The following DNAAF5 variants were observed in gnomAD, a reference collection of about 807,000 sequenced individuals.
DNAAF5 encodes dynein axonemal assembly factor 5.
Under a neutral mutation model 75.8 loss-of-function variants are expected in DNAAF5, and 64 were observed. The ratio of observed to expected loss-of-function variants is 0.84; its 90% CI spans 0.69 to 1.04. The LOEUF is 1.04. DNAAF5 is among the 50% of genes least tolerant of loss of function. The probability of loss-of-function intolerance (pLI) is 0.00; values close to 1 mark genes in which losing one functional copy is unlikely to be tolerated. For synonymous variants in DNAAF5, 657 were observed against 557.2 expected, an observed-to-expected ratio of 1.18 and a Z score of -2.52; for missense variants, 1,269 against 1,178.5, an observed-to-expected ratio of 1.08 and a Z score of -1.12.
chr7:751,434 G>A (rs1782288823), intron 4 of DNAAF5, among the ~76,000 whole-genome samples: 1 of 149,314 alleles, frequency 6.7e-6, no homozygotes, highest in Admixed American at 6.7e-5. Context: ...CAGAAGGTCA[G>A]TGCTGCAGTG....
intron 9 of DNAAF5, chr7:771,270 TG>T (rs1778555772): frequency 6.6e-6 from 1 of 152,276 alleles, no homozygotes; most frequent in African/African-American, 2.4e-5. Flanking sequence ...GCAAGAAGCA[TG>T]GGTGCCCTCT....
rs1318191708 is a variant in DNAAF5 at position 770,608 on chromosome 7, A to G, written c.1921A>G (p.Asn641Asp). Reference sequence around the variant, plus strand: ...GCTGCTCAGAGCCACGGACACCATCAACTCCCAGGGGTAGGTCCGGGCTCT... The same window carrying G: ...GCTGCTCAGAGCCACGGACACCATCGACTCCCAGGGGTAGGTCCGGGCTCT... Reference protein sequence around the residue: ...TVLLRATDTINSQGQFPSYLE... With the variant: ...TVLLRATDTIDSQGQFPSYLE... The change falls in exon 9 of 13, where the codon AAC becomes GAC. Residue 641 changes from asparagine (N) to aspartate (D), a missense_variant. Physicochemically the swap from Asn to Asp is conservative, Grantham distance 23 (BLOSUM62 1). Coordinates refer to ENST00000297440, the MANE Select transcript of DNAAF5 (RefSeq NM_017802.4). The G allele has an allele frequency of 6.2e-7, 1 of 1,613,482 alleles. No individual in the cohort carries two copies. Among genetic ancestry groups the G allele is most frequent in the South Asian group, 1.1e-5 (1 of 91,072 alleles).
At position 764,020 on chromosome 7, in the gene DNAAF5, G is replaced by C. The variant is rs773610293; in HGVS notation, c.1783+46G>C. On this transcript the variant is annotated intron_variant, in intron 8 of 12. Coordinates refer to ENST00000297440, the MANE Select transcript of DNAAF5 (RefSeq NM_017802.4). ...GCGTGCCGTGCCTGGCCCCACTCAGGCTACACACCTGCTCCCCCAGGTGCT... is the reference window on the plus strand; with the variant it reads ...GCGTGCCGTGCCTGGCCCCACTCAGCCTACACACCTGCTCCCCCAGGTGCT... The C allele has an allele frequency of 3.1e-6, 5 of 1,589,842 alleles. No individual in the cohort carries two copies. In the South Asian group the frequency reaches 5.5e-5, roughly 18 times the overall value.
chr7:774,236 G>C, intron 10 of DNAAF5, 38 bp downstream of exon 10: 1 of 1,562,868 alleles, frequency 6.4e-7, no homozygotes, highest in East Asian at 2.3e-5. Context: ...ACACCGGCCG[G>C]GGACTGCGCA....
chr7:757,476 C>T (rs1295406990), intron 6 of DNAAF5, among the ~76,000 whole-genome samples: 1 of 151,184 alleles, frequency 6.6e-6, no homozygotes, highest in Non-Finnish European at 1.5e-5. Context: ...ACAGATCGCA[C>T]GTCCTCAGGG....
intron 12 of DNAAF5, among the ~76,000 whole-genome samples, chr7:785,050 C>T (rs950217766): frequency 6.6e-6 from 1 of 152,034 alleles, no homozygotes; most frequent in African/African-American, 2.4e-5. Flanking sequence ...TGTCAGCTTA[C>T]TTATATCCAC....
chr7:732,023 G>A (rs1224925463), intron 2 of DNAAF5, among the ~76,000 whole-genome samples: 1 of 152,198 alleles, frequency 6.6e-6, no homozygotes, highest in Non-Finnish European at 1.5e-5. Flanking sequence ...CAGCCTGCTA[G>A]ACTCGGCTTA....
At chr7:731,773 C>T (rs1583473854) in intron 2 of DNAAF5, among the ~76,000 whole-genome samples, 1 of 152,048 alleles carries the variant, frequency 6.6e-6, no homozygotes, top group East Asian at 1.9e-4. Context: ...TGGCCCGTTT[C>T]TTCCCAATGG....
At chr7:756,521 G>A (rs1282948266) in intron 5 of DNAAF5, among the ~76,000 whole-genome samples, 3 of 152,222 alleles carry the variant, frequency 2.0e-5, no homozygotes, top group Non-Finnish European at 4.4e-5. Flanking sequence ...GAACCCCACA[G>A]CTGGGACACA....
rs1271043976 is a variant in DNAAF5, at chr7:780,023, G to C, written c.2310G>C (p.Trp770Cys). The part of the protein sequence containing the change: ...RMAAASTLVT[W>C]LQCVKGANAK... The stretch of plus-strand genomic sequence containing the variant: ...CAGCCGCCTCCACCTTGGTCACCTG[G>C]CTGCAGTGTGTCAAGGGTGCCAACG... The change falls in exon 12 of 13, where the codon TGG becomes TGC. Residue 770 changes from tryptophan (W) to cysteine (C), a missense_variant. Coordinates refer to ENST00000297440, the MANE Select transcript of DNAAF5 (RefSeq NM_017802.4). The C allele has an allele frequency of 3.7e-6, 6 of 1,614,116 alleles. No homozygotes were observed. Among genetic ancestry groups the C allele is most frequent in the Non-Finnish European group, 4.2e-6 (5 of 1,180,052 alleles).
At chr7:785,398 G>A (rs1779114733) in intron 12 of DNAAF5, 119 bp from the exon 13 acceptor site, 2 of 1,093,968 alleles carry the variant, frequency 1.8e-6, no homozygotes, top group Non-Finnish European at 2.7e-6. Context: ...AGCAGCGTCA[G>A]GTTATTTGCA....
intron 4 of DNAAF5, among the ~76,000 whole-genome samples, chr7:748,438 A>G (rs1206383007): frequency 1.3e-5 from 2 of 152,212 alleles, no homozygotes; most frequent in East Asian, 3.8e-4. Context: ...TTTGGTGGCC[A>G]TTCAGAACTG....
rs745330496 is a variant in DNAAF5 at position 741,346 on chromosome 7, G to T, written c.906-1G>T. ...ACTGTTGTCTGTCTGTTGTGCCTCA[G>T]GCAGCTGGCTGCCAGCCTCTGGGAG... is the stretch of plus-strand genomic sequence containing the variant. On this transcript the variant is annotated splice_acceptor_variant, in intron 3 of 12. Coordinates refer to ENST00000297440, the MANE Select transcript of DNAAF5 (RefSeq NM_017802.4). LOFTEE classifies it high-confidence loss of function. 1.3e-6 allele frequency: 2 copies of T among 1,587,568 alleles called. No homozygotes were observed. Among genetic ancestry groups the T allele is most frequent in the Non-Finnish European group, 1.7e-6 (2 of 1,168,164 alleles).
intron 8 of DNAAF5, among the ~76,000 whole-genome samples, chr7:764,785 TACTG>T (rs1458335939): frequency 3.3e-5 from 5 of 152,016 alleles, no homozygotes; most frequent in Non-Finnish European, 5.9e-5. Context: ...GAAAAGAAAA[TACTG>T]GCTGGGCGTG....
Position 727,110 on chromosome 7 carries a change from C to T in DNAAF5, c.390C>T (p.Pro130=). 1 of 1,108,714 alleles carries T rather than the reference C, an allele frequency of 9.0e-7. No homozygotes were observed. Among genetic ancestry groups the T allele is most frequent in the Non-Finnish European group, 1.1e-6 (1 of 912,242 alleles). The allele number at this position is 1,108,714 out of a possible 1,614,324, so 68.7% of individuals were successfully genotyped here. ...CCGCGCGCTTGGCCGGCCCCGTGCCCGCGCGCCGCCCGCCCGAGGCCTGTG... is the reference window on the plus strand; with the variant it reads ...CCGCGCGCTTGGCCGGCCCCGTGCCTGCGCGCCGCCCGCCCGAGGCCTGTG... ...ALAARLAGPV[P]ARRPPEACEE... is the part of the protein sequence containing the mutation. The change falls in exon 1 of 13, where the codon CCC becomes CCT. Residue 130 remains proline, a synonymous_variant. Coordinates refer to ENST00000297440, the MANE Select transcript of DNAAF5 (RefSeq NM_017802.4).
chr7:742,820 CCGCT>C (rs1781954015), intron 4 of DNAAF5, among the ~76,000 whole-genome samples: 4 of 149,220 alleles, frequency 2.7e-5, no homozygotes, highest in Non-Finnish European at 6.0e-5. Flanking sequence ...ATCACATGCC[CCGCT>C]CAAATCAATC....
At position 780,015 on chromosome 7, in the gene DNAAF5, G is replaced by T; in HGVS notation, c.2302G>T (p.Val768Phe). Residue 768 changes from valine to phenylalanine, a missense_variant, in exon 12 of 13, where the codon GTC becomes TTC. Physicochemically the swap from Val to Phe is conservative, Grantham distance 50. Transcript: ENST00000297440. ...GAGGATGGCAGCCGCCTCCACCTTG[G>T]TCACCTGGCTGCAGTGTGTCAAGGG... ...DVRMAAASTL[V>F]TWLQCVKGAN... is the part of the protein sequence containing the mutation. 2 of 1,614,200 alleles carry T rather than the reference G, an allele frequency of 1.2e-6. No homozygotes were observed. Among genetic ancestry groups the T allele is most frequent in the Admixed American group, 1.7e-5 (1 of 60,024 alleles).
At position 752,280 on chromosome 7, in the gene DNAAF5, C is replaced by A. The variant is rs1251615489; in HGVS notation, c.1025-2309C>A. 2.0e-5 allele frequency among the ~76,000 whole-genome samples: 3 copies of A among 152,284 alleles called. No homozygotes were observed. The East Asian group carries it at 5.8e-4, about 29-fold the overall frequency. ...GATCTGAAGGTAAAGCCCAGAACCG[C>A]AGAGCTAGGGCGAAGCCTTTGTGAC... On this transcript the variant is annotated intron_variant, in intron 4 of 12. Coordinates refer to ENST00000297440, the MANE Select transcript of DNAAF5 (RefSeq NM_017802.4).
intron 5 of DNAAF5, among the ~76,000 whole-genome samples, chr7:756,195 G>A (rs1341988552): frequency 7.6e-6 from 1 of 132,084 alleles, no homozygotes; most frequent in African/African-American, 2.9e-5. Flanking sequence ...TGTGTGATCC[G>A]CTGTGGAATC....
Sources: gnomAD v4.1 joint callset for allele counts (sites outside exome capture counted in the v4.1 genomes callset) on GRCh38, gnomAD v4.1.1 for gene constraint, MANE v1.5 for transcripts, NCBI Gene and HGNC (gene_info 2026-07-23, HGNC 2026-07-21) for gene names.